The following WAC variants were observed in gnomAD, a reference collection of about 807,000 sequenced individuals.
WAC encodes WW domain containing adaptor with coiled-coil, also known as WW domain-containing adapter protein with coiled-coil.
In WAC, 11 loss-of-function variants were observed where a neutral mutation model predicts 79.6. That is an observed-to-expected ratio of 0.14 (90% CI 0.09 to 0.23). The LOEUF (loss-of-function observed/expected upper bound fraction) is 0.23. WAC is among the 10% of genes least tolerant of loss of function. The pLI is 1.00. For missense variants in WAC, 728 were observed against 773.5 expected (o/e 0.94, Z 0.70); for synonymous variants, 304 against 276.9 (o/e 1.10, Z -0.97).
chr10:28,540,008 T>C (rs1369907637), intron 3 of WAC, among the ~76,000 whole-genome samples: 1 of 152,220 alleles, frequency 6.6e-6, no homozygotes, highest in Non-Finnish European at 1.5e-5. Context: ...TTTTTTAATA[T>C]AATTTAGTAA....
intron 3 of WAC, among the ~76,000 whole-genome samples, chr10:28,551,535 G>T (rs1837667517): frequency 6.6e-6 from 1 of 152,136 alleles, no homozygotes; most frequent in Admixed American, 6.5e-5. Flanking sequence ...CCACATAGCA[G>T]ATCAGTCTTG....
intron 7 of WAC, among the ~76,000 whole-genome samples, chr10:28,604,496 C>CCG: frequency 6.6e-6 from 1 of 152,194 alleles, no homozygotes; most frequent in Non-Finnish European, 1.5e-5. Context: ...CTTTGGGAAG[C>CCG]CGAGGTGAAC....
rs1474189289 is a variant in WAC, at chr10:28,621,766, T to C, written c.*2160T>C. On this transcript the variant is annotated 3_prime_UTR_variant, in exon 14 of 14. Transcript: ENST00000354911. ...GGTAAATTTGAATTTGATTTGCTTATAGTCTACTGGTCTGTGTACCTATGT... is the reference window on the plus strand; with the variant it reads ...GGTAAATTTGAATTTGATTTGCTTACAGTCTACTGGTCTGTGTACCTATGT... 1 of 152,244 alleles carries C rather than the reference T, an allele frequency of 6.6e-6. No homozygotes were observed. Among genetic ancestry groups the C allele is most frequent in the African/African-American group, 2.4e-5 (1 of 41,462 alleles). The allele number at this position is 152,244 out of a possible 1,614,324, so 9.4% of individuals were successfully genotyped here.
chr10:28,613,081 AT>A (rs1841321658), intron 10 of WAC, among the ~76,000 whole-genome samples: 1 of 152,196 alleles, frequency 6.6e-6, no homozygotes, highest in African/African-American at 2.4e-5. Flanking sequence ...CCTGGGCAAT[AT>A]AGCAAGACCC....
rs202159099 is a variant in WAC at position 28,534,039 on chromosome 10, C to T, written c.78+5C>T. The T allele has an allele frequency of 3.5e-5, 55 of 1,579,682 alleles. No homozygotes were observed. Among genetic ancestry groups the T allele is most frequent in the Non-Finnish European group, 4.5e-5 (53 of 1,165,010 alleles). Reference sequence around the variant, plus strand: ...GGGGACTCGCAGCCTTACCAGGTACCAGCCGAGGCCGGGGTGGAGGGATTG... The same window carrying T: ...GGGGACTCGCAGCCTTACCAGGTACTAGCCGAGGCCGGGGTGGAGGGATTG... On this transcript the variant is annotated splice_donor_5th_base_variant and intron_variant, in intron 2 of 13. Transcript: ENST00000354911.
intron 7 of WAC, among the ~76,000 whole-genome samples, chr10:28,605,974 G>T (rs1481063245): frequency 4.6e-5 from 7 of 152,038 alleles, no homozygotes; most frequent in African/African-American, 1.7e-4. Context: ...ACCTTTAAGA[G>T]GGATGTGATC....
Position 28,619,660 on chromosome 10 carries a change from C to CA in WAC, c.*56dup, listed in dbSNP as rs1182457858. On this transcript the variant is annotated 3_prime_UTR_variant, in exon 14 of 14. Coordinates refer to ENST00000354911, the MANE Select transcript of WAC (RefSeq NM_016628.5). The stretch of plus-strand genomic sequence containing the variant: ...GAACAGGAACTGTAAATCTGTTGCC[C>CA]AATCTTAACATTTTTGAGCTGCATT... 6.9e-7 allele frequency: 1 copy of CA among 1,439,434 alleles called. No individual in the cohort carries two copies. The highest frequency in any genetic ancestry group is 1.5e-5 in the African/African-American group (1 of 67,224). 89.2% of individuals were successfully genotyped at this position (1,439,434 alleles called of 1,614,324 possible).
chr10:28,543,858 G>C (rs970728379), intron 3 of WAC, among the ~76,000 whole-genome samples: 3 of 147,090 alleles, frequency 2.0e-5, no homozygotes, highest in Non-Finnish European at 4.6e-5. Flanking sequence ...TCCAGAATTG[G>C]TTTCCTTTGT....
intron 3 of WAC, among the ~76,000 whole-genome samples, chr10:28,562,477 T>C (rs572368949): frequency 2.9e-4 from 44 of 152,328 alleles, no homozygotes; most frequent in Middle Eastern, 3.4e-3. Flanking sequence ...TGGTCTGATA[T>C]AGTGATTGAT....
rs71391054 is a variant in WAC at position 28,603,961 on chromosome 10, G to GTATATATA, written c.920-4205_920-4198dup. On this transcript the variant is annotated intron_variant, in intron 7 of 13. Transcript: ENST00000354911. ...AAAAAAAATATATATATGTATGTAT[G>GTATATATA]TATATATATATATATATATATATAT... 4.1e-3 allele frequency among the ~76,000 whole-genome samples: 86 copies of GTATATATA among 20,896 alleles called. 1 individual carries two copies. Among genetic ancestry groups the GTATATATA allele is most frequent in the African/African-American group, 0.012 (28 of 2,356 alleles). 13.7% of individuals were successfully genotyped at this position (20,896 alleles called of 152,430 possible).
At chr10:28,538,581 CAAAAAAAAA>C (rs34777121) in intron 3 of WAC, among the ~76,000 whole-genome samples, 3 of 98,262 alleles carry the variant, frequency 3.1e-5, no homozygotes, top group South Asian at 6.9e-4. Context: ...GACCCTGTCT[CAAAAAAAAA>C]AAAAAAAAAA....
intron 3 of WAC, among the ~76,000 whole-genome samples, chr10:28,545,788 A>C (rs1256918336): frequency 1.3e-5 from 2 of 152,236 alleles, no homozygotes; most frequent in African/African-American, 4.8e-5. Context: ...AGAAGTTTCT[A>C]ATTGGACAGG....
At chr10:28,539,662 G>A (rs1053419036) in intron 3 of WAC, among the ~76,000 whole-genome samples, 2 of 151,768 alleles carry the variant, frequency 1.3e-5, no homozygotes, top group African/African-American at 2.4e-5. Context: ...GAGTTCAAGC[G>A]ATCCTTCTGC....
intron 3 of WAC, among the ~76,000 whole-genome samples, chr10:28,554,004 C>A (rs377098146): frequency 6.6e-5 from 10 of 152,178 alleles, no homozygotes; most frequent in African/African-American, 2.4e-4. Flanking sequence ...GTGTCCAGGA[C>A]TACAGGCGCA....
At chr10:28,560,073 G>A (rs72809645) in intron 3 of WAC, among the ~76,000 whole-genome samples, 2,033 of 152,296 alleles carry the variant, frequency 0.013, 24 homozygotes, top group Non-Finnish European at 0.019. Flanking sequence ...CAGGCGTGGT[G>A]GCTCATGCTT....
chr10:28,565,005 A>G (rs567910923), intron 3 of WAC, among the ~76,000 whole-genome samples: 1 of 152,352 alleles, frequency 6.6e-6, no homozygotes, highest in South Asian at 2.1e-4. Context: ...CTAACCTTCC[A>G]TAACCCTTAG....
At chr10:28,537,914 G>C (rs1277166729) in intron 3 of WAC, among the ~76,000 whole-genome samples, 1 of 152,066 alleles carries the variant, frequency 6.6e-6, no homozygotes, top group African/African-American at 2.4e-5. Flanking sequence ...CTAATCACTT[G>C]CTAAGTTAGG....
chr10:28,615,957 T>C (rs1403604481), intron 11 of WAC: 2 of 429,856 alleles, frequency 4.7e-6, no homozygotes, highest in East Asian at 3.5e-5. Context: ...CATTTGACTC[T>C]GACAGTAGTG....
At chr10:28,554,495 C>T (rs994751353) in intron 3 of WAC, among the ~76,000 whole-genome samples, 1 of 152,058 alleles carries the variant, frequency 6.6e-6, no homozygotes, top group African/African-American at 2.4e-5. Context: ...CTTGGTTTCC[C>T]TTATTTTGCT....
Sources: allele counts gnomAD v4.1 joint callset (sites outside exome capture counted in the v4.1 genomes callset), GRCh38; gene constraint gnomAD v4.1.1; transcripts MANE v1.5; gene names NCBI Gene and HGNC (gene_info 2026-07-23, HGNC 2026-07-21).